The following PDE8B variants were observed in gnomAD, a reference collection of about 807,000 sequenced individuals.
The protein encoded by PDE8B is high affinity cAMP-specific and IBMX-insensitive 3',5'-cyclic phosphodiesterase 8B.
In PDE8B, 26 loss-of-function variants were observed where a neutral mutation model predicts 101.3. The observed-to-expected ratio is 0.26, with a 90% CI of 0.19 to 0.36. The LOEUF (loss-of-function observed/expected upper bound fraction) is 0.36. Among genes scored for constraint, PDE8B ranks in the 10% least tolerant of loss-of-function variants. The probability of loss-of-function intolerance (pLI) is 1.00; values close to 1 mark genes in which losing one functional copy is unlikely to be tolerated. For synonymous variants in PDE8B, 424 were observed against 429.3 expected (o/e 0.99, Z 0.15); for missense variants, 810 against 1,163.1 (o/e 0.70, Z 4.42).
the PDE8B span, among the ~76,000 whole-genome samples, chr5:77,199,949 C>A: frequency 1.3e-5 from 2 of 152,008 alleles, no homozygotes; most frequent in African/African-American, 2.4e-5. Flanking sequence ...GTCCTCCAGA[C>A]CTCTGCTTCC....
chr5:77,360,704 C>G (rs1396945358), intron 10 of PDE8B, among the ~76,000 whole-genome samples: 1 of 152,126 alleles, frequency 6.6e-6, no homozygotes, highest in Admixed American at 6.5e-5. Context: ...CCAGTCACCC[C>G]CATCCTAACC....
chr5:77,233,189 T>C (rs964306112), intron 1 of PDE8B, among the ~76,000 whole-genome samples: 4 of 151,978 alleles, frequency 2.6e-5, no homozygotes, highest in Non-Finnish European at 5.9e-5. Flanking sequence ...GTTTTCTGGG[T>C]GGTTGCTTAG....
intron 1 of PDE8B, among the ~76,000 whole-genome samples, chr5:77,240,297 A>G (rs908614070): frequency 1.9e-4 from 29 of 151,978 alleles, no homozygotes; most frequent in East Asian, 3.9e-4. Context: ...GGGACTACAG[A>G]CGCCCGCCAC....
intron 10 of PDE8B, among the ~76,000 whole-genome samples, chr5:77,379,716 G>A (rs1787077768): frequency 6.6e-6 from 1 of 152,190 alleles, no homozygotes; most frequent in Non-Finnish European, 1.5e-5. Flanking sequence ...ATTTTGAGAA[G>A]TGAATCTTCA....
chr5:77,275,266 C>T (rs757521222), intron 1 of PDE8B, among the ~76,000 whole-genome samples: 1 of 152,148 alleles, frequency 6.6e-6, no homozygotes, highest in Non-Finnish European at 1.5e-5. Context: ...TCCAGCCCCA[C>T]CCTAGAGGTA....
the PDE8B span, among the ~76,000 whole-genome samples, chr5:77,177,164 C>G: frequency 6.6e-6 from 1 of 152,028 alleles, no homozygotes. Flanking sequence ...GAGTGTTGGG[C>G]TCTGTTTCGC....
intron 1 of PDE8B, among the ~76,000 whole-genome samples, chr5:77,231,865 C>T (rs372316365): frequency 1.3e-5 from 2 of 152,186 alleles, no homozygotes; most frequent in South Asian, 2.1e-4. Flanking sequence ...ACTGAAGCAG[C>T]GAAGGAGTGG....
chr5:77,263,685 G>A (rs1761091550), intron 1 of PDE8B, among the ~76,000 whole-genome samples: 2 of 152,124 alleles, frequency 1.3e-5, no homozygotes, highest in Non-Finnish European at 2.9e-5. Context: ...AACTGATGTC[G>A]GAGGACCTGG....
upstream of PDE8B, chr5:77,210,568 C>G (rs867937620): frequency 2.7e-5 from 26 of 946,894 alleles, no homozygotes; most frequent in African/African-American, 3.3e-4. This position sits in a 1 kb window ranked among gnomAD's most constrained non-coding sequence, Gnocchi z 4.9. Context: ...CGAGGTCGAG[C>G]TGGGCGGCGG....
the PDE8B span, among the ~76,000 whole-genome samples, chr5:77,196,710 G>C: frequency 2.0e-5 from 3 of 152,076 alleles, no homozygotes; most frequent in African/African-American, 7.2e-5. Context: ...CTTATAACAT[G>C]AGCTGTGAAG....
intron 1 of PDE8B, among the ~76,000 whole-genome samples, chr5:77,252,145 T>G (rs765434218): frequency 5.3e-5 from 8 of 152,210 alleles, no homozygotes; most frequent in Non-Finnish European, 1.2e-4. Flanking sequence ...GTGTCCTAGA[T>G]GACTCGTTGC....
intron 1 of PDE8B, chr5:77,291,908 G>T: frequency 1.0e-6 from 1 of 965,742 alleles, no homozygotes; most frequent in Non-Finnish European, 1.6e-6. Flanking sequence ...TATTATGACT[G>T]TGACAGTGAC....
the PDE8B span, among the ~76,000 whole-genome samples, chr5:77,109,527 G>T: frequency 3.2e-4 from 48 of 152,322 alleles, no homozygotes; most frequent in African/African-American, 1.0e-3. Flanking sequence ...AAATTGCAGA[G>T]GGCAGACTGC....
At chr5:77,325,239 T>C (rs1454180278) in intron 2 of PDE8B, among the ~76,000 whole-genome samples, 1 of 152,298 alleles carries the variant, frequency 6.6e-6, no homozygotes, top group African/African-American at 2.4e-5. Flanking sequence ...GCAATCATGG[T>C]TCACTGCAGC....
chr5:77,293,548 G>C (rs973404850), intron 1 of PDE8B, among the ~76,000 whole-genome samples: 1 of 152,148 alleles, frequency 6.6e-6, no homozygotes, highest in Non-Finnish European at 1.5e-5. Flanking sequence ...ATGTGTTAAG[G>C]CACAGGTTCT....
the PDE8B span, among the ~76,000 whole-genome samples, chr5:77,165,872 G>A: frequency 6.6e-6 from 1 of 151,906 alleles, no homozygotes; most frequent in African/African-American, 2.4e-5. Flanking sequence ...CAGGTGTGGT[G>A]GTGCATGCCT....
chr5:77,288,485 T>A (rs958460690), intron 1 of PDE8B, among the ~76,000 whole-genome samples: 8 of 152,202 alleles, frequency 5.3e-5, no homozygotes, highest in Non-Finnish European at 1.2e-4. Flanking sequence ...ATTTCTCTAG[T>A]TATTCTTATT....
chr5:77,220,499 A>G (rs1376167238), intron 1 of PDE8B, among the ~76,000 whole-genome samples: 1 of 152,236 alleles, frequency 6.6e-6, no homozygotes, highest in Admixed American at 6.5e-5. Context: ...TGAACGTGAA[A>G]GGCAGTGTTC....
At chr5:77,370,030 T>C (rs143019203) in intron 10 of PDE8B, among the ~76,000 whole-genome samples, 85 of 152,378 alleles carry the variant, frequency 5.6e-4, no homozygotes, top group Middle Eastern at 3.4e-3. Context: ...CACATCTCTT[T>C]AAATATACAT....
Sources: allele counts gnomAD v4.1 joint callset (sites outside exome capture counted in the v4.1 genomes callset), GRCh38; gene constraint gnomAD v4.1.1; non-coding constraint Gnocchi (gnomAD v3.1); transcripts MANE v1.5; gene names NCBI Gene and HGNC (gene_info 2026-07-23, HGNC 2026-07-21).